GSE1: variants seen among roughly 807,000 people sequenced by gnomAD.
GSE1 encodes the protein Gse1 coiled-coil protein.
GSE1 carries 32 observed loss-of-function variants against 112.6 expected under a neutral mutation model. The ratio of observed to expected loss-of-function variants is 0.28; its 90% CI spans 0.21 to 0.38. The LOEUF is 0.38. GSE1 is among the 10% of genes least tolerant of loss of function. The probability of loss-of-function intolerance (pLI) is 1.00; values close to 1 mark genes in which losing one functional copy is unlikely to be tolerated. For missense variants in GSE1, 2,348 were observed against 1,699.2 expected, an observed-to-expected ratio of 1.38 and a Z score of -6.71; for synonymous variants, 1,115 against 735.6, an observed-to-expected ratio of 1.52 and a Z score of -8.35.
At chr16:85,636,454 G>A (rs964654789) in intron 2 of GSE1, among the ~76,000 whole-genome samples, 2 of 152,194 alleles carry the variant, frequency 1.3e-5, no homozygotes, top group Non-Finnish European at 2.9e-5. Context: ...GGTCTGGATG[G>A]GGAGGGACTG....
exon 1 of GSE1, chr16:85,171,475 T>C: frequency 2.0e-6 from 2 of 985,592 alleles, no homozygotes; most frequent in Non-Finnish European, 2.4e-6. Context: ...TGTGCTCTGC[T>C]ACCATGACCT....
At chr16:85,553,756 G>C (rs2045056067), upstream of GSE1, among the ~76,000 whole-genome samples, 1 of 152,186 alleles carries the variant, frequency 6.6e-6, no homozygotes, top group African/African-American at 2.4e-5. Context: ...AAGTGGCTTG[G>C]AGAGGTCAAA....
Position 85,617,607 on chromosome 16 carries a change from C to G in GSE1, c.7+4209C>G, listed in dbSNP as rs956904397. Reference sequence around the variant, plus strand: ...CCGTGTGTCAACCCTCCCCCCCCCCCCCCCGTTAACTGCCACGTGCAGCCC... The same window carrying G: ...CCGTGTGTCAACCCTCCCCCCCCCCGCCCCGTTAACTGCCACGTGCAGCCC... On this transcript the variant is annotated intron_variant, in intron 1 of 15. Coordinates refer to ENST00000253458, the MANE Select transcript of GSE1 (RefSeq NM_014615.5). Among the ~76,000 whole-genome samples, 55 of 112,218 alleles carry G rather than the reference C, an allele frequency of 4.9e-4. 5 individuals carry two copies. The highest frequency in any genetic ancestry group is 1.8e-3 in the South Asian group (5 of 2,756). The allele number at this position is 112,218 out of a possible 152,430, so 73.6% of individuals were successfully genotyped here. A position where few individuals can be genotyped will look rare whatever the true frequency, so the allele number is the denominator to read the frequency against.
chr16:85,617,957 T>C (rs2048483844), intron 1 of GSE1, among the ~76,000 whole-genome samples: 1 of 152,160 alleles, frequency 6.6e-6, no homozygotes, highest in Non-Finnish European at 1.5e-5. Flanking sequence ...GGCTGCTCTC[T>C]GGATGTCTGT....
chr16:85,591,146 C>T (rs937726511), intron 1 of GSE1, among the ~76,000 whole-genome samples: 7 of 152,198 alleles, frequency 4.6e-5, no homozygotes, highest in Admixed American at 6.5e-5. Context: ...AAATTGGGGT[C>T]CTTCCCTGTA....
intron 2 of GSE1, among the ~76,000 whole-genome samples, chr16:85,453,206 G>A (rs2049733983): frequency 6.6e-6 from 1 of 152,158 alleles, no homozygotes; most frequent in Non-Finnish European, 1.5e-5. Context: ...CACGGCTGAT[G>A]GGGGTGTGAA....
chr16:85,348,296 T>TCATCCATCCATCCATCCATC lies in GSE1; in HGVS notation c.2284-9156_2284-9137dup, dbSNP rs57742912. Among the ~76,000 whole-genome samples, 206 of 151,250 alleles carry TCATCCATCCATCCATCCATC rather than the reference T, an allele frequency of 1.4e-3. 2 individuals carry two copies. Among genetic ancestry groups the TCATCCATCCATCCATCCATC allele is most frequent in the African/African-American group, 4.6e-3 (191 of 41,112 alleles). On this transcript the variant is annotated intron_variant, in intron 1 of 2. Coordinates refer to the GSE1 transcript ENST00000637419. ...CTCCATCTATCCATCCATCCACTGTTCATCCATCCATCCATCCATCCATCC... is the reference window on the plus strand; with the variant it reads ...CTCCATCTATCCATCCATCCACTGTTCATCCATCCATCCATCCATCCATCCATCCATCCATCCATCCATCC...
intron 2 of GSE1, among the ~76,000 whole-genome samples, chr16:85,439,428 C>T (rs1035957513): frequency 1.3e-5 from 2 of 152,338 alleles, no homozygotes; most frequent in Admixed American, 6.5e-5. Context: ...CCACCACTGG[C>T]TCAAATGGCC....
rs547973716 is a variant in GSE1, at chr16:85,237,184, G to A, written c.2283+65377G>A. Among the ~76,000 whole-genome samples the A allele has an allele frequency of 3.2e-3, 491 of 152,316 alleles. 3 individuals carry two copies. The highest frequency in any genetic ancestry group is 0.011 in the African/African-American group (458 of 41,568). ...ACTAAAAATAGAAAAATTAGCAGGC[G>A]TGGTGGCGGTCGCCTGTAATCCCAG... is the stretch of plus-strand genomic sequence containing the variant. On this transcript the variant is annotated intron_variant, in intron 1 of 2. Coordinates refer to the GSE1 transcript ENST00000637419.
chr16:85,457,054 C>T (rs2151815733), intron 2 of GSE1, among the ~76,000 whole-genome samples: 1 of 152,306 alleles, frequency 6.6e-6, no homozygotes, highest in South Asian at 2.1e-4. Context: ...CAGCAGTAGG[C>T]ATCCTGAGAT....
At chr16:85,339,898 T>C (rs1383314407) in intron 1 of GSE1, among the ~76,000 whole-genome samples, 4 of 152,172 alleles carry the variant, frequency 2.6e-5, no homozygotes, top group Non-Finnish European at 1.5e-5. Context: ...TTCCCTGTCT[T>C]ACTCACTGCC....
intron 2 of GSE1, among the ~76,000 whole-genome samples, chr16:85,433,661 A>G (rs1454016670): frequency 6.6e-6 from 1 of 151,634 alleles, no homozygotes; most frequent in African/African-American, 2.4e-5. Context: ...TTGAATGGAT[A>G]GATACTTGCA....
intron 2 of GSE1, among the ~76,000 whole-genome samples, chr16:85,468,899 G>T (rs572986798): frequency 1.4e-4 from 21 of 152,326 alleles, no homozygotes; most frequent in African/African-American, 4.6e-4. Context: ...GAACTTATTT[G>T]GAAATAGTTT....
intron 1 of GSE1, among the ~76,000 whole-genome samples, chr16:85,209,999 C>G (rs112135414): frequency 6.6e-6 from 1 of 152,188 alleles, no homozygotes; most frequent in Admixed American, 6.5e-5. Context: ...CATGGGGACA[C>G]GGTTACAGTC....
chr16:85,175,836 A>G (rs558223924), intron 1 of GSE1, among the ~76,000 whole-genome samples: 9 of 152,260 alleles, frequency 5.9e-5, no homozygotes, highest in African/African-American at 1.7e-4. Flanking sequence ...AGGAGGTGCC[A>G]CTGTTCCCTT....
At position 85,300,913 on chromosome 16, in the gene GSE1, G is replaced by C. The variant is rs564357263; in HGVS notation, c.2284-56550G>C. Among the ~76,000 whole-genome samples, 3 of 152,326 alleles carry C rather than the reference G, an allele frequency of 2.0e-5. No homozygotes were observed. The South Asian group carries it at 6.2e-4, about 32-fold the overall frequency. On this transcript the variant is annotated intron_variant, in intron 1 of 2. Coordinates refer to the GSE1 transcript ENST00000637419. ...CCAGCCATCCTGCCTCCCAGAATTTGGGGGGAGTGGGGACTGGGGGCTGGA... is the reference window on the plus strand; with the variant it reads ...CCAGCCATCCTGCCTCCCAGAATTTCGGGGGAGTGGGGACTGGGGGCTGGA...
chr16:85,387,367 C>A (rs929827342), intron 2 of GSE1, among the ~76,000 whole-genome samples: 1 of 152,244 alleles, frequency 6.6e-6, no homozygotes, highest in Non-Finnish European at 1.5e-5. Context: ...CCTAGCCCCC[C>A]TCCTCAACCC....
intron 1 of GSE1, among the ~76,000 whole-genome samples, chr16:85,235,855 C>T (rs1386217145): frequency 6.6e-6 from 1 of 152,050 alleles, no homozygotes; most frequent in East Asian, 1.9e-4. Context: ...GGCAGCTGTT[C>T]GCGATGCACA....
chr16:85,231,099 C>G (rs60593985), intron 1 of GSE1, among the ~76,000 whole-genome samples: 1 of 93,510 alleles, frequency 1.1e-5, no homozygotes, highest in African/African-American at 4.5e-5. Context: ...GATGGATGGA[C>G]AGATGAATGG....
Sources: gnomAD v4.1 joint callset for allele counts (sites outside exome capture counted in the v4.1 genomes callset) on GRCh38, gnomAD v4.1.1 for gene constraint, MANE v1.5 for transcripts, NCBI Gene and HGNC (gene_info 2026-07-23, HGNC 2026-07-21) for gene names.